The following RNF115 variants were observed in gnomAD, a reference collection of about 807,000 sequenced individuals.
RNF115 encodes ring finger protein 115, also known as E3 ubiquitin-protein ligase RNF115.
RNF115 carries 31 observed loss-of-function variants against 39.2 expected under a neutral mutation model. The observed-to-expected ratio is 0.79, with a 90% CI of 0.59 to 1.07. The LOEUF is 1.07. Among genes scored for constraint, RNF115 ranks in the 50% least tolerant of loss-of-function variants. RNF115 has a pLI of 0.00. For missense variants in RNF115, 384 were observed against 381.7 expected (o/e 1.01, Z -0.05); for synonymous variants, 124 against 131.0 (o/e 0.95, Z 0.37).
At chr1:145,784,376 G>A (rs782243325) in intron 3 of RNF115, among the ~76,000 whole-genome samples, 163 bp downstream of exon 3, 4 of 152,110 alleles carry the variant, frequency 2.6e-5, no homozygotes, top group Non-Finnish European at 5.9e-5. Flanking sequence ...CCAAGCCCCA[G>A]CTACTGAAAA....
chr1:145,760,003 A>G (rs1658439701), intron 4 of RNF115, among the ~76,000 whole-genome samples: 1 of 152,142 alleles, frequency 6.6e-6, no homozygotes, highest in South Asian at 2.1e-4. Context: ...TACTGCTTAA[A>G]ATTCTATTTA....
chr1:145,795,344 C>G (rs587773235), intron 1 of RNF115, among the ~76,000 whole-genome samples: 4 of 152,020 alleles, frequency 2.6e-5, no homozygotes. Context: ...GCTTCCACAA[C>G]GCGGAAGGGA....
intron 4 of RNF115, among the ~76,000 whole-genome samples, chr1:145,762,999 C>A (rs587748903): frequency 6.6e-6 from 1 of 152,074 alleles, no homozygotes; most frequent in Non-Finnish European, 1.5e-5. Context: ...CACTGGAGAT[C>A]ACAAAAGGGA....
Position 145,806,320 on chromosome 1 carries a change from C to G in RNF115, c.103-17354G>C, listed in dbSNP as rs186138141. Among the ~76,000 whole-genome samples, 9 of 152,012 alleles carry G rather than the reference C, an allele frequency of 5.9e-5. No homozygotes were observed. The East Asian group carries it at 1.7e-3, about 29-fold the overall frequency. ...CTGAGATCGTGCCACTGCACTCCAG[C>G]CTGGGCAACAGAGGAAGACTCCATC... is the stretch of plus-strand genomic sequence containing the variant. On this transcript the variant is annotated intron_variant, in intron 1 of 8. Transcript: ENST00000582693.
At chr1:145,761,605 G>A (rs189323624) in intron 4 of RNF115, among the ~76,000 whole-genome samples, 25 of 152,324 alleles carry the variant, frequency 1.6e-4, no homozygotes, top group African/African-American at 6.0e-4. Context: ...GATTTCAGAA[G>A]ATGTATGGAA....
chr1:145,745,499 C>G lies in RNF115; in HGVS notation c.*1367G>C, dbSNP rs1553711599. The G allele has an allele frequency of 6.7e-6, 1 of 149,580 alleles. No homozygotes were observed. The highest frequency in any genetic ancestry group is 1.5e-5 in the Non-Finnish European group (1 of 68,096). 9.3% of individuals were successfully genotyped at this position (149,580 alleles called of 1,614,324 possible). A position where few individuals can be genotyped will look rare whatever the true frequency, so the allele number is the denominator to read the frequency against. On this transcript the variant is annotated 3_prime_UTR_variant, in exon 9 of 9. Transcript: ENST00000582693. ...TTGAGATGGAGTTTCGCTCTTGTTGCCCAGACTGGAGTGCATTGGTATGAT... is the reference window on the plus strand; with the variant it reads ...TTGAGATGGAGTTTCGCTCTTGTTGGCCAGACTGGAGTGCATTGGTATGAT...
chr1:145,821,433 G>A (rs1192483950), intron 1 of RNF115, among the ~76,000 whole-genome samples: 45 of 117,626 alleles, frequency 3.8e-4, no homozygotes, highest in African/African-American at 1.2e-3. Flanking sequence ...AATCAATTGG[G>A]GAAGTTTAGA....
intron 1 of RNF115, among the ~76,000 whole-genome samples, chr1:145,801,303 C>T (rs189307732): frequency 3.3e-5 from 5 of 152,320 alleles, no homozygotes; most frequent in African/African-American, 1.2e-4. Flanking sequence ...GGCACAGTGG[C>T]TCAGCCTATA....
intron 1 of RNF115, among the ~76,000 whole-genome samples, chr1:145,814,917 G>T (rs1318153731): frequency 1.4e-5 from 2 of 147,052 alleles, no homozygotes; most frequent in African/African-American, 5.0e-5. Context: ...TCAAAACACT[G>T]AAGTCATCAC....
At chr1:145,753,109 T>C (rs1267247901) in intron 4 of RNF115, 60 bp from the exon 5 acceptor site, 2 of 1,137,036 alleles carry the variant, frequency 1.8e-6, no homozygotes, top group African/African-American at 1.5e-5. Context: ...TCTACAGATA[T>C]CCATGGCTGC....
chr1:145,754,811 G>C (rs1658237846), intron 4 of RNF115, among the ~76,000 whole-genome samples: 1 of 151,900 alleles, frequency 6.6e-6, no homozygotes, highest in African/African-American at 2.4e-5. Flanking sequence ...CTTTTTTTTA[G>C]AATGCTTCGT....
Position 145,763,915 on chromosome 1 carries a change from CCCATGGTCTCCCTCTCCCTCTCTTG to C in RNF115, c.428+7771_428+7795del, listed in dbSNP as rs1248962808. 2.2e-4 allele frequency among the ~76,000 whole-genome samples: 29 copies of C among 132,306 alleles called. 1 individual carries two copies. The highest frequency in any genetic ancestry group is 4.3e-4 in the Non-Finnish European group (26 of 60,994). The allele number at this position is 132,306 out of a possible 152,430, so 86.8% of individuals were successfully genotyped here. On this transcript the variant is annotated intron_variant, in intron 4 of 8. Coordinates refer to ENST00000582693, the MANE Select transcript of RNF115 (RefSeq NM_014455.4). ...CCCTCCCCCTCCCCCTCTCCCTCTC[CCCATGGTCTCCCTCTCCCTCTCTTG>C]CCATGGTCTCCCTCTGATGCCGAGC...
chr1:145,793,468 T>C (rs1272780061), intron 1 of RNF115, among the ~76,000 whole-genome samples: 2 of 152,174 alleles, frequency 1.3e-5, no homozygotes, highest in African/African-American at 4.8e-5. Context: ...ATCACAGTGC[T>C]AGGCCCTCTT....
At chr1:145,807,779 TTCTA>T (rs1347813375) in intron 1 of RNF115, among the ~76,000 whole-genome samples, 3 of 152,156 alleles carry the variant, frequency 2.0e-5, no homozygotes, top group Non-Finnish European at 4.4e-5. Flanking sequence ...AACTTATTCC[TTCTA>T]TCTAATTTTA....
intron 1 of RNF115, among the ~76,000 whole-genome samples, chr1:145,800,565 C>T (rs1469350911): frequency 6.6e-6 from 1 of 152,132 alleles, no homozygotes; most frequent in East Asian, 1.9e-4. Context: ...CTCTTGGAAC[C>T]CTGAGCAGCC....
At chr1:145,802,448 A>T (rs1649291746) in intron 1 of RNF115, among the ~76,000 whole-genome samples, 1 of 152,222 alleles carries the variant, frequency 6.6e-6, no homozygotes, top group African/African-American at 2.4e-5. Flanking sequence ...ACCTTAGAGG[A>T]CAAGGAGCTA....
chr1:145,760,045 TA>T (rs1393004572), intron 4 of RNF115, among the ~76,000 whole-genome samples: 3 of 152,202 alleles, frequency 2.0e-5, no homozygotes, highest in Admixed American at 2.0e-4. Flanking sequence ...CATTAGTACT[TA>T]AGCTCCACGA....
chr1:145,782,545 A>C (rs1205104464), intron 3 of RNF115, among the ~76,000 whole-genome samples: 1 of 152,238 alleles, frequency 6.6e-6, no homozygotes, highest in African/African-American at 2.4e-5. Flanking sequence ...AATCAGCAAA[A>C]ATACTTTAAC....
At chr1:145,814,289 C>G (rs1414348977) in intron 1 of RNF115, among the ~76,000 whole-genome samples, 1 of 151,866 alleles carries the variant, frequency 6.6e-6, no homozygotes, top group South Asian at 2.1e-4. Flanking sequence ...TGTCTACAGA[C>G]TTTGCCAAAT....
Sources: gnomAD v4.1 joint callset for allele counts (sites outside exome capture counted in the v4.1 genomes callset) on GRCh38, gnomAD v4.1.1 for gene constraint, MANE v1.5 for transcripts, NCBI Gene and HGNC (gene_info 2026-07-23, HGNC 2026-07-21) for gene names.